PCDHGB3: variants seen among roughly 807,000 people sequenced by gnomAD.
PCDHGB3 encodes the protein protocadherin gamma subfamily B, 3, also known as protocadherin gamma-B3.
A neutral mutation model predicts 59.2 loss-of-function variants in PCDHGB3; 40 were observed. The ratio of observed to expected loss-of-function variants is 0.68; its 90% CI spans 0.52 to 0.88. The LOEUF is 0.88. Ranked by LOEUF, PCDHGB3 falls within the 40% of genes least tolerant of loss-of-function variation. PCDHGB3 has a pLI of 0.00. For synonymous variants in PCDHGB3, 581 were observed against 503.6 expected (o/e 1.15, Z -2.06); for missense variants, 1,309 against 1,187.9 (o/e 1.10, Z -1.50).
chr5:141,382,603 T>C, intron 1 of PCDHGB3: 1 of 269,778 alleles, frequency 3.7e-6, no homozygotes, highest in Non-Finnish European at 6.9e-6. Flanking sequence ...AACAATTTTC[T>C]ATGAAATCAG....
chr5:141,460,377 T>C (rs1592666836), intron 1 of PCDHGB3, among the ~76,000 whole-genome samples: 1 of 152,342 alleles, frequency 6.6e-6, no homozygotes, highest in Non-Finnish European at 1.5e-5. Flanking sequence ...AGTTTTACCA[T>C]TTATAATTTG....
At chr5:141,442,205 A>G (rs2098308049) in intron 1 of PCDHGB3, 1 of 153,214 alleles carries the variant, frequency 6.5e-6, no homozygotes, top group Admixed American at 6.5e-5. Context: ...ATATCTGGTG[A>G]TTGCCTTAGC....
intron 1 of PCDHGB3, chr5:141,420,535 T>C (rs1322301404): frequency 6.2e-6 from 2 of 321,930 alleles, no homozygotes; most frequent in African/African-American, 4.3e-5. Flanking sequence ...CGGTTAAAAA[T>C]ATAAAATACA....
chr5:141,477,180 C>T lies in PCDHGB3; in HGVS notation c.2416-17627C>T. On this transcript the variant is annotated intron_variant, in intron 1 of 3. Coordinates refer to ENST00000576222, the MANE Select transcript of PCDHGB3 (RefSeq NM_018924.5). This position sits in a 1 kb window ranked among gnomAD's most constrained non-coding sequence, Gnocchi z 4.9. ...GACAACGCCCCGGAGATCACAGTCA[C>T]CTCCGTGTACAGCCCAGTACCCGAG... 1 of 1,614,196 alleles carries T rather than the reference C, an allele frequency of 6.2e-7. No homozygotes were observed. The highest frequency in any genetic ancestry group is 8.5e-7 in the Non-Finnish European group (1 of 1,180,032).
intron 1 of PCDHGB3, among the ~76,000 whole-genome samples, chr5:141,460,961 A>G (rs113156768): frequency 0.11 from 16,010 of 144,518 alleles, 1,385 homozygotes; most frequent in African/African-American, 0.24. Context: ...GTATATATAT[A>G]TGTGTGTGTG....
rs1474578874 is a variant in PCDHGB3 at position 141,372,172 on chromosome 5, C to T, written c.1778C>T (p.Ala593Val). The T allele has an allele frequency of 1.1e-5, 17 of 1,613,604 alleles. No individual in the cohort carries two copies. Among genetic ancestry groups the T allele is most frequent in the African/African-American group, 4.0e-5 (3 of 74,930 alleles). Reference protein sequence around the residue: ...EPGYLVTKVVAVDADSGYNAW... With the variant: ...EPGYLVTKVVVVDADSGYNAW... ...GGCTACCTGGTGACCAAGGTGGTGG[C>T]GGTGGACGCAGACTCGGGATACAAC... Residue 593 changes from alanine (A) to valine (V), a missense_variant, in exon 1 of 4, where the codon GCG becomes GTG. Ala to Val is a moderately conservative substitution (Grantham distance 64). Transcript: ENST00000576222.
At chr5:141,407,222 C>CA (rs895046980) in intron 1 of PCDHGB3, among the ~76,000 whole-genome samples, 4 of 151,730 alleles carry the variant, frequency 2.6e-5, no homozygotes, top group African/African-American at 7.2e-5. Flanking sequence ...AAGTGGGTAG[C>CA]AAAAAAAATA....
Position 141,371,995 on chromosome 5 carries a change from C to T in PCDHGB3, c.1601C>T (p.Ala534Val). The T allele has an allele frequency of 1.2e-6, 2 of 1,613,264 alleles. No homozygotes were observed. Among genetic ancestry groups the T allele is most frequent in the Non-Finnish European group, 1.7e-6 (2 of 1,179,762 alleles). The change falls in exon 1 of 4, where the codon GCC becomes GTC. Residue 534 changes from alanine to valine, a missense_variant. Transcript: ENST00000576222. ...QLRAFELTLQ[A>V]RDQGSPTLSA... Reference sequence around the variant, plus strand: ...CGTGCCTTCGAGCTCACTCTGCAGGCCCGCGACCAGGGCTCGCCTACGCTC... The same window carrying T: ...CGTGCCTTCGAGCTCACTCTGCAGGTCCGCGACCAGGGCTCGCCTACGCTC...
At chr5:141,444,152 A>ATTTTT (rs747671382) in intron 1 of PCDHGB3, among the ~76,000 whole-genome samples, 10 of 33,898 alleles carry the variant, frequency 3.0e-4, no homozygotes, top group Middle Eastern at 0.019. Context: ...TGTGTACTGG[A>ATTTTT]TTTTTTTTTT....
chr5:141,486,644 T>G lies in PCDHGB3; in HGVS notation c.2416-8163T>G, dbSNP rs765487821. ...AGACTCTGGCTTGAATGCGCTTATC[T>G]CCTACTCACTCCTGGAGCCCAGGAA... On this transcript the variant is annotated intron_variant, in intron 1 of 3. Transcript: ENST00000576222. This position sits in a 1 kb window ranked among gnomAD's most constrained non-coding sequence, Gnocchi z 5.0. 9.3e-6 allele frequency: 15 copies of G among 1,613,722 alleles called. 2 individuals carry two copies. The Middle Eastern group carries it at 6.6e-4, about 71-fold the overall frequency.
chr5:141,433,208 C>CTTTT, intron 1 of PCDHGB3: 1 of 1,293,074 alleles, frequency 7.7e-7, no homozygotes, highest in African/African-American at 1.5e-5. Flanking sequence ...AATCTTCTTT[C>CTTTT]TTTTTTTTTT....
chr5:141,484,715 G>A (rs576646182), intron 1 of PCDHGB3, among the ~76,000 whole-genome samples: 1 of 152,130 alleles, frequency 6.6e-6, no homozygotes, highest in African/African-American at 2.4e-5. Context: ...CCGCCGAAAA[G>A]GGGCGGGGTC....
intron 1 of PCDHGB3, chr5:141,375,222 G>T: frequency 6.2e-7 from 1 of 1,613,926 alleles, no homozygotes; most frequent in Non-Finnish European, 8.5e-7. Flanking sequence ...GGCCTGAATG[G>T]CCTGGTAACC....
intron 1 of PCDHGB3, chr5:141,413,362 C>G: frequency 1.2e-6 from 2 of 1,613,988 alleles, no homozygotes; most frequent in South Asian, 1.1e-5. Context: ...GCCCCGGGAG[C>G]TGGCGGAGCG....
intron 1 of PCDHGB3, chr5:141,404,067 A>G (rs540954192): frequency 3.7e-6 from 6 of 1,613,894 alleles, no homozygotes; most frequent in South Asian, 2.2e-5. Context: ...TTCAATGCTC[A>G]TGACCGAGAC....
At chr5:141,375,561 A>C in intron 1 of PCDHGB3, 1 of 1,614,064 alleles carries the variant, frequency 6.2e-7, no homozygotes, top group Non-Finnish European at 8.5e-7. Context: ...TCACTGGCAG[A>C]AGACACCCTC....
At chr5:141,398,207 C>T (rs1368284039) in intron 1 of PCDHGB3, 3 of 1,488,636 alleles carry the variant, frequency 2.0e-6, no homozygotes, top group South Asian at 2.6e-5. Flanking sequence ...TTGTTCTGCC[C>T]GGCGCTCTGT....
intron 1 of PCDHGB3, among the ~76,000 whole-genome samples, chr5:141,381,121 T>C (rs1490532443): frequency 6.6e-6 from 1 of 152,260 alleles, no homozygotes; most frequent in East Asian, 1.9e-4. Context: ...TTCCCTGTAT[T>C]CTGGAGCAAT....
chr5:141,455,343 G>A (rs1462807460), intron 1 of PCDHGB3, among the ~76,000 whole-genome samples: 1 of 152,036 alleles, frequency 6.6e-6, no homozygotes, highest in African/African-American at 2.4e-5. Flanking sequence ...TTTAAGGAGC[G>A]GAGAGTTTAA....
Sources: allele counts gnomAD v4.1 joint callset (sites outside exome capture counted in the v4.1 genomes callset), GRCh38; gene constraint gnomAD v4.1.1; non-coding constraint Gnocchi (gnomAD v3.1); transcripts MANE v1.5; gene names NCBI Gene and HGNC (gene_info 2026-07-23, HGNC 2026-07-21).